Variants in NLRC4 observed in about 807,000 individuals in gnomAD.
NLRC4 encodes NLR family CARD domain-containing protein 4.
In NLRC4, 63 loss-of-function variants were observed where a neutral mutation model predicts 79.9. That is an observed-to-expected ratio of 0.79 (90% CI 0.64 to 0.97). The LOEUF (loss-of-function observed/expected upper bound fraction) is 0.97, where lower values mean the gene tolerates loss of function less well. NLRC4 is among the 50% of genes least tolerant of loss of function. The pLI is 0.00. For synonymous variants in NLRC4, 461 were observed against 456.5 expected (o/e 1.01, Z -0.12); for missense variants, 1,074 against 1,215.2 (o/e 0.88, Z 1.73).
At position 32,250,143 on chromosome 2, in the gene NLRC4, T is replaced by C. The variant is rs1292117509; in HGVS notation, c.1721A>G (p.Glu574Gly). The stretch of plus-strand genomic sequence containing the variant: ...TTTACCTTGAAAGAAAGCTTCAAAT[T>C]CTTGGCTCAGGGCTGATTTGGATGT... ...ESTSKSALSQ[E>G]FEAFFQGKSL... is the part of the protein sequence containing the mutation. The change falls in exon 4 of 9, where the codon GAA becomes GGA. Residue 574 changes from glutamate (E) to glycine (G), a missense_variant. By Grantham distance (98) the Glu-to-Gly change is moderately conservative. Coordinates refer to ENST00000402280, the MANE Select transcript of NLRC4 (RefSeq NM_001199138.2). This position sits in a 1 kb window ranked among gnomAD's most constrained non-coding sequence, Gnocchi z 4.9. 1 of 1,614,152 alleles carries C rather than the reference T, an allele frequency of 6.2e-7. No individual in the cohort carries two copies. The highest frequency in any genetic ancestry group is 8.5e-7 in the Non-Finnish European group (1 of 1,180,034).
Position 32,250,148 on chromosome 2 carries a change from GCT to G in NLRC4, c.1714_1715del (p.Ser572ProfsTer4). On this transcript the variant is annotated frameshift_variant, in exon 4 of 9. Coordinates refer to ENST00000402280, the MANE Select transcript of NLRC4 (RefSeq NM_001199138.2). LOFTEE classifies it high-confidence loss of function. The surrounding 1 kb of genome is among the most constrained non-coding windows in gnomAD (Gnocchi z 4.9). Reference protein sequence around the residue: ...YQESTSKSALSQEFEAFFQGK... With the variant: ...YQESTSKSALXQEFEAFFQGK... ...CTTGAAAGAAAGCTTCAAATTCTTG[GCT>G]CAGGGCTGATTTGGATGTACTCTCT... 6.2e-7 allele frequency: 1 copy of G among 1,614,200 alleles called. No homozygotes were observed. Among genetic ancestry groups the G allele is most frequent in the Non-Finnish European group, 8.5e-7 (1 of 1,180,034 alleles).
At position 32,241,130 on chromosome 2, in the gene NLRC4, C is replaced by G; in HGVS notation, c.2258-5G>C. 5.7e-6 allele frequency: 9 copies of G among 1,569,996 alleles called. No homozygotes were observed. Among genetic ancestry groups the G allele is most frequent in the Non-Finnish European group, 7.8e-6 (9 of 1,146,742 alleles). The stretch of plus-strand genomic sequence containing the variant: ...CCAAGCTGTCAGTCAGACCACCTGT[C>G]AAAAGAAAAAAGATTGGACTCTTTC... On this transcript the variant is annotated splice_region_variant and splice_polypyrimidine_tract_variant and intron_variant, in intron 4 of 8. Coordinates refer to ENST00000402280, the MANE Select transcript of NLRC4 (RefSeq NM_001199138.2).
At chr2:32,243,914 A>G (rs1187214656) in intron 4 of NLRC4, among the ~76,000 whole-genome samples, 1 of 152,134 alleles carries the variant, frequency 6.6e-6, no homozygotes, top group Non-Finnish European at 1.5e-5. Context: ...GTCTAAAAGT[A>G]AAACTACGTG....
At chr2:32,255,130 C>A (rs1687175615) in intron 2 of NLRC4, among the ~76,000 whole-genome samples, 1 of 151,906 alleles carries the variant, frequency 6.6e-6, no homozygotes, top group Admixed American at 6.6e-5. Flanking sequence ...CATCTCTCTC[C>A]TTCTGGGGTC....
intron 1 of NLRC4, among the ~76,000 whole-genome samples, chr2:32,264,089 C>T (rs479333): frequency 2.0e-5 from 3 of 151,872 alleles, no homozygotes; most frequent in Non-Finnish European, 2.9e-5. Flanking sequence ...TAGTCCACCT[C>T]GTTCCTTTCA....
chr2:32,262,015 A>C (rs1687363804), intron 1 of NLRC4, among the ~76,000 whole-genome samples: 1 of 152,202 alleles, frequency 6.6e-6, no homozygotes, highest in African/African-American at 2.4e-5. Flanking sequence ...AGGGAGGCGG[A>C]GGTTGCAGTG....
chr2:32,251,036 G>A lies in NLRC4; in HGVS notation c.828C>T (p.Ile276=), dbSNP rs774076495. 5 of 1,614,164 alleles carry A rather than the reference G, an allele frequency of 3.1e-6. No homozygotes were observed. Among genetic ancestry groups the A allele is most frequent in the Middle Eastern group, 1.6e-4 (1 of 6,062 alleles). ...TCAGGCACTCAGTGGTAGTGGTGAC[G>A]ATGACCATGTTCTTGAAGCGGTGGT... ...KENHRFKNMV[I]VTTTTECLRH... The change falls in exon 4 of 9, where the codon ATC becomes ATT. Residue 276 remains isoleucine (I), a synonymous_variant. Coordinates refer to ENST00000402280, the MANE Select transcript of NLRC4 (RefSeq NM_001199138.2).
chr2:32,240,411 A>G (rs1686771045), intron 5 of NLRC4, among the ~76,000 whole-genome samples: 1 of 151,948 alleles, frequency 6.6e-6, no homozygotes, highest in African/African-American at 2.4e-5. Flanking sequence ...CAAAAAAAAA[A>G]AAAAAAAAAA....
At chr2:32,247,569 C>T (rs1175240911) in intron 4 of NLRC4, among the ~76,000 whole-genome samples, 1 of 151,368 alleles carries the variant, frequency 6.6e-6, no homozygotes, top group Non-Finnish European at 1.5e-5. Flanking sequence ...CTGCCTCAGC[C>T]TTCCAATATA....
intron 6 of NLRC4, among the ~76,000 whole-genome samples, chr2:32,237,315 G>C (rs189164876): frequency 6.6e-6 from 1 of 152,130 alleles, no homozygotes; most frequent in Admixed American, 6.5e-5. Context: ...TGGGTTTTGT[G>C]CTCTACAATA....
intron 8 of NLRC4, among the ~76,000 whole-genome samples, chr2:32,234,069 A>G (rs1686616931): frequency 1.3e-5 from 2 of 152,214 alleles, no homozygotes; most frequent in Admixed American, 1.3e-4. Context: ...TAATGCCACA[A>G]AGCTTTTACA....
At chr2:32,264,970 G>C (rs1003380654), upstream of NLRC4, 1 of 151,888 alleles carries the variant, frequency 6.6e-6, no homozygotes, top group African/African-American at 2.4e-5. Context: ...GTTCAGAAAG[G>C]GAAGATGGGT....
Position 32,235,743 on chromosome 2 carries a change from ACATTATG to A in NLRC4, c.2615-182_2615-176del, listed in dbSNP as rs77395419. Among the ~76,000 whole-genome samples, 12,110 of 152,186 alleles carry A rather than the reference ACATTATG, an allele frequency of 0.08. 564 individuals are homozygous for A. The highest frequency in any genetic ancestry group is 0.14 in the Middle Eastern group (41 of 294). On this transcript the variant is annotated intron_variant, in intron 7 of 8. Coordinates refer to ENST00000402280, the MANE Select transcript of NLRC4 (RefSeq NM_001199138.2). ...TTGGAAAGTATTCAAGCATATACAA[ACATTATG>A]CAGAAGAATATAATGAAACTATATA...
chr2:32,261,316 C>CCTTTTTTTTTTTTTT, intron 1 of NLRC4, among the ~76,000 whole-genome samples: 4 of 96,884 alleles, frequency 4.1e-5, no homozygotes, highest in African/African-American at 1.2e-4. Context: ...AGCCTCCCCC[C>CCTTTTTTTTTTTTTT]TTTTGTTTTT....
At chr2:32,233,134 G>A (rs571879399) in intron 8 of NLRC4, among the ~76,000 whole-genome samples, 10 of 33,700 alleles carry the variant, frequency 3.0e-4, no homozygotes, top group African/African-American at 1.2e-3. Flanking sequence ...GTGGGGGAGG[G>A]AGGAAGGAAG....
intron 4 of NLRC4, among the ~76,000 whole-genome samples, chr2:32,245,238 G>A (rs212728): frequency 0.61 from 90,807 of 148,004 alleles, 27,906 homozygotes; most frequent in Admixed American, 0.65. Context: ...TTGAACCTGG[G>A]AGGCAGAGGT....
chr2:32,258,401 G>C (rs567411811), intron 1 of NLRC4, among the ~76,000 whole-genome samples: 22 of 152,316 alleles, frequency 1.4e-4, no homozygotes, highest in African/African-American at 4.6e-4. Flanking sequence ...GGGTGGCCTT[G>C]GGAAATGCAA....
At chr2:32,233,979 A>ATATG (rs1686615237) in intron 8 of NLRC4, among the ~76,000 whole-genome samples, 1 of 152,162 alleles carries the variant, frequency 6.6e-6, no homozygotes, top group African/African-American at 2.4e-5. Flanking sequence ...GGGGACATAT[A>ATATG]TATGTGTGTG....
At position 32,250,376 on chromosome 2, in the gene NLRC4, C is replaced by T. The variant is rs755862312; in HGVS notation, c.1488G>A (p.Gly496=). Reference sequence around the variant, plus strand: ...CAGCCCTGGTGGCTTCCACAGATGACCCACAGGTGTACCGGAGCAGGCTGC... The same window carrying T: ...CAGCCCTGGTGGCTTCCACAGATGATCCACAGGTGTACCGGAGCAGGCTGC... ...TYSSLLRYTC[G]SSVEATRAVM... Residue 496 remains glycine (G), a synonymous_variant, in exon 4 of 9, where the codon GGG becomes GGA. Coordinates refer to ENST00000402280, the MANE Select transcript of NLRC4 (RefSeq NM_001199138.2). This position sits in a 1 kb window ranked among gnomAD's most constrained non-coding sequence, Gnocchi z 4.9. 3.1e-6 allele frequency: 5 copies of T among 1,614,186 alleles called. No individual in the cohort carries two copies. Among genetic ancestry groups the T allele is most frequent in the Non-Finnish European group, 4.2e-6 (5 of 1,180,026 alleles).
Sources: gnomAD v4.1 joint callset for allele counts (sites outside exome capture counted in the v4.1 genomes callset) on GRCh38, gnomAD v4.1.1 for gene constraint, Gnocchi (gnomAD v3.1) non-coding constraint, MANE v1.5 for transcripts, NCBI Gene and HGNC (gene_info 2026-07-23, HGNC 2026-07-21) for gene names.